GABBR2: variants seen among roughly 807,000 people sequenced by gnomAD.
GABBR2 encodes the protein gamma-aminobutyric acid type B receptor subunit 2, also known as G-protein coupled receptor 51.
A neutral mutation model predicts 105.6 loss-of-function variants in GABBR2; 23 were observed. The observed-to-expected ratio is 0.22, with a 90% confidence interval of 0.16 to 0.31. The LOEUF (loss-of-function observed/expected upper bound fraction) is 0.31, where lower values mean the gene tolerates loss of function less well. Among genes scored for constraint, GABBR2 ranks in the 10% least tolerant of loss-of-function variants. The pLI is 1.00. For synonymous variants in GABBR2, 478 were observed against 499.7 expected, an observed-to-expected ratio of 0.96 and a Z score of 0.58; for missense variants, 734 against 1,245.5, an observed-to-expected ratio of 0.59 and a Z score of 6.18.
rs1428162144 is a variant in GABBR2 at position 98,398,576 on chromosome 9, C to CTGGG, written c.1298-4325_1298-4322dup. 1.2e-4 allele frequency among the ~76,000 whole-genome samples: 19 copies of CTGGG among 152,276 alleles called. No individual in the cohort carries two copies. In the East Asian group the frequency reaches 3.3e-3, roughly 26 times the overall value. ...TCTGTGTGACGTCCCCTCATGGGTC[C>CTGGG]TGGGTCTGTGCTGGGGCCCCAGATC... On this transcript the variant is annotated intron_variant, in intron 8 of 18. Coordinates refer to ENST00000259455, the MANE Select transcript of GABBR2 (RefSeq NM_005458.8).
At position 98,554,783 on chromosome 9, in the gene GABBR2, C is replaced by T. The variant is rs1456161088; in HGVS notation, c.460-12740G>A. Among the ~76,000 whole-genome samples the T allele has an allele frequency of 3.9e-5, 6 of 152,028 alleles. No homozygotes were observed. In the East Asian group the frequency reaches 7.7e-4, roughly 19 times the overall value. On this transcript the variant is annotated intron_variant, in intron 2 of 18. Coordinates refer to ENST00000259455, the MANE Select transcript of GABBR2 (RefSeq NM_005458.8). ...CTTTAACATTTCTATTATTATTTGA[C>T]GTAAAGAAGATTGGAAAACAACTAT...
At chr9:98,657,620 CA>C (rs1220914620) in intron 1 of GABBR2, among the ~76,000 whole-genome samples, 1 of 152,214 alleles carries the variant, frequency 6.6e-6, no homozygotes, top group African/African-American at 2.4e-5. Flanking sequence ...TCAGGTAACT[CA>C]ATGATAGTGA....
intron 1 of GABBR2, among the ~76,000 whole-genome samples, chr9:98,661,926 T>TC (rs1830270505): frequency 6.6e-6 from 1 of 152,116 alleles, no homozygotes; most frequent in South Asian, 2.1e-4. Context: ...TTCAGGCAGC[T>TC]CCAGAGCTCC....
chr9:98,634,458 C>A (rs73504520), intron 1 of GABBR2, among the ~76,000 whole-genome samples: 2 of 152,030 alleles, frequency 1.3e-5, no homozygotes, highest in Admixed American at 6.5e-5. Flanking sequence ...TGACTGATAA[C>A]CCTGTAAGAA....
At chr9:98,448,919 TA>T (rs10623958) in intron 7 of GABBR2, among the ~76,000 whole-genome samples, 2,131 of 146,374 alleles carry the variant, frequency 0.015, 17 homozygotes, top group Non-Finnish European at 0.019. Flanking sequence ...GGAAAGAGTT[TA>T]AAAAAAAAAA....
chr9:98,306,464 T>TGGGGGGGTGGGG lies in GABBR2; in HGVS notation c.2005-120_2005-119insCCCCACCCCCCC. 2.3e-6 allele frequency: 1 copy of TGGGGGGGTGGGG among 439,820 alleles called. No homozygotes were observed. Among genetic ancestry groups the TGGGGGGGTGGGG allele is most frequent in the Admixed American group, 2.5e-5 (1 of 39,334 alleles). The allele number at this position is 439,820 out of a possible 1,614,324, so 27.2% of individuals were successfully genotyped here. ...GGAGGTGGGCTGCAGGGAGGGAGGG[T>TGGGGGGGTGGGG]CGGGGGCCTTGCTGTCAGCCGGGTC... On this transcript the variant is annotated intron_variant, in intron 14 of 18. Transcript: ENST00000259455. The surrounding 1 kb of genome is among the most constrained non-coding windows in gnomAD (Gnocchi z 5.4).
chr9:98,603,118 T>C (rs1588247236), intron 1 of GABBR2, among the ~76,000 whole-genome samples: 1 of 152,208 alleles, frequency 6.6e-6, no homozygotes, highest in Admixed American at 6.5e-5. Context: ...AAATTTGGAC[T>C]AAGAGAGAAA....
At chr9:98,305,827 A>G (rs1830542764) in intron 15 of GABBR2, among the ~76,000 whole-genome samples, 1 of 151,920 alleles carries the variant, frequency 6.6e-6, no homozygotes, top group South Asian at 2.1e-4. Context: ...AAAAGGCATC[A>G]TCTCCTAGCC....
chr9:98,612,528 G>A (rs758310995), intron 1 of GABBR2, among the ~76,000 whole-genome samples: 3 of 152,194 alleles, frequency 2.0e-5, no homozygotes, highest in African/African-American at 7.2e-5. Context: ...AGCCTCATCT[G>A]TTTCCTGGAG....
chr9:98,308,788 C>T (rs976762064), intron 14 of GABBR2, among the ~76,000 whole-genome samples: 6 of 152,218 alleles, frequency 3.9e-5, no homozygotes, highest in African/African-American at 1.4e-4. Flanking sequence ...CTCTGGCCTC[C>T]ACAACTAGGA....
intron 13 of GABBR2, among the ~76,000 whole-genome samples, chr9:98,335,043 T>C (rs982679209): frequency 6.6e-6 from 1 of 152,166 alleles, no homozygotes; most frequent in Non-Finnish European, 1.5e-5. Flanking sequence ...CAAACCTGCC[T>C]AAAGTTCTGG....
chr9:98,409,126 G>A (rs1832540949), intron 7 of GABBR2, among the ~76,000 whole-genome samples: 3 of 152,248 alleles, frequency 2.0e-5, no homozygotes, highest in South Asian at 2.1e-4. Flanking sequence ...CAGCATGGCC[G>A]GAACACAGTG....
At chr9:98,516,804 C>A (rs1283735569) in intron 3 of GABBR2, among the ~76,000 whole-genome samples, 2 of 152,302 alleles carry the variant, frequency 1.3e-5, no homozygotes, top group East Asian at 3.9e-4. Flanking sequence ...CACCCTTGGG[C>A]TCAGAGTTTA....
At chr9:98,612,437 A>G (rs1218555864) in intron 1 of GABBR2, among the ~76,000 whole-genome samples, 1 of 152,230 alleles carries the variant, frequency 6.6e-6, no homozygotes, top group African/African-American at 2.4e-5. Flanking sequence ...GGATTCAAGC[A>G]CTAGAGGGCC....
chr9:98,352,223 G>C (rs1045797474), intron 13 of GABBR2, among the ~76,000 whole-genome samples: 1 of 152,240 alleles, frequency 6.6e-6, no homozygotes, highest in Non-Finnish European at 1.5e-5. Context: ...GGCATGTAGG[G>C]GCACTGGTGG....
chr9:98,587,722 G>A (rs1275837902), intron 1 of GABBR2, among the ~76,000 whole-genome samples: 1 of 152,138 alleles, frequency 6.6e-6, no homozygotes, highest in African/African-American at 2.4e-5. Context: ...GAAAACTGTA[G>A]TTTAAAAGCC....
chr9:98,708,306 G>T (rs1830928653), intron 1 of GABBR2, 111 bp downstream of exon 1: 11 of 1,139,972 alleles, frequency 9.6e-6, no homozygotes, highest in Middle Eastern at 3.2e-4. Flanking sequence ...CCCTCGGCAG[G>T]CGCGGGCCGG....
chr9:98,480,894 C>G lies in GABBR2; in HGVS notation c.798+38G>C, dbSNP rs1162288825. On this transcript the variant is annotated intron_variant, in intron 5 of 18. Coordinates refer to ENST00000259455, the MANE Select transcript of GABBR2 (RefSeq NM_005458.8). Reference sequence around the variant, plus strand: ...GAGTATGGGAAAAAGCTTCGTGAACCTCCCCAAAGACACGAATGATACAAC... The same window carrying G: ...GAGTATGGGAAAAAGCTTCGTGAACGTCCCCAAAGACACGAATGATACAAC... The G allele has an allele frequency of 2.4e-6, 3 of 1,246,036 alleles. No individual in the cohort carries two copies. In the African/African-American group the frequency reaches 4.4e-5, roughly 18 times the overall value. 77.2% of individuals were successfully genotyped at this position (1,246,036 alleles called of 1,614,324 possible).
rs929232948 is a variant in GABBR2, at chr9:98,607,748, A to G, written c.322-29676T>C. ...ACTAATAATGTCCACTATGAGAACT[A>G]CAGAAGCAGAAAACTGGCAGCTGTG... is the stretch of plus-strand genomic sequence containing the variant. On this transcript the variant is annotated intron_variant, in intron 1 of 18. Coordinates refer to ENST00000259455, the MANE Select transcript of GABBR2 (RefSeq NM_005458.8). The G allele has an allele frequency of 5.2e-6, 4 of 776,016 alleles. No individual in the cohort carries two copies. The African/African-American group carries it at 6.8e-5, about 13-fold the overall frequency. 48.1% of individuals were successfully genotyped at this position (776,016 alleles called of 1,614,324 possible).
Sources: gnomAD v4.1 joint callset for allele counts (sites outside exome capture counted in the v4.1 genomes callset) on GRCh38, gnomAD v4.1.1 for gene constraint, Gnocchi (gnomAD v3.1) non-coding constraint, MANE v1.5 for transcripts, NCBI Gene and HGNC (gene_info 2026-07-23, HGNC 2026-07-21) for gene names.